CALN1: variants seen among roughly 807,000 people sequenced by gnomAD.
CALN1 encodes the protein calcium-binding protein 8.
CALN1 carries 17 observed loss-of-function variants against 30.6 expected under a neutral mutation model. The observed-to-expected ratio is 0.56, with a 90% CI of 0.38 to 0.83. The LOEUF (loss-of-function observed/expected upper bound fraction) is 0.83, where lower values mean the gene tolerates loss of function less well. Among genes scored for constraint, CALN1 ranks in the 40% least tolerant of loss-of-function variants. The probability of loss-of-function intolerance (pLI) is 0.00; values close to 1 mark genes in which losing one functional copy is unlikely to be tolerated. For synonymous variants in CALN1, 156 were observed against 131.4 expected (o/e 1.19, Z -1.28); for missense variants, 291 against 354.9 (o/e 0.82, Z 1.45).
intron 5 of CALN1, among the ~76,000 whole-genome samples, chr7:71,979,690 T>C (rs773217786): frequency 3.3e-5 from 5 of 151,968 alleles, no homozygotes; most frequent in Admixed American, 6.6e-5. Context: ...CCCTGCTCTA[T>C]GGGAACTGGG....
chr7:71,990,413 G>A (rs888146693), intron 5 of CALN1, among the ~76,000 whole-genome samples: 2 of 151,524 alleles, frequency 1.3e-5, no homozygotes, highest in African/African-American at 2.4e-5. Context: ...ATACTCAATC[G>A]AGCAGCCCAT....
intron 2 of CALN1, among the ~76,000 whole-genome samples, chr7:72,390,408 G>A (rs992619198): frequency 2.0e-5 from 3 of 152,158 alleles, no homozygotes; most frequent in Non-Finnish European, 4.4e-5. Context: ...TCTAGCCTGG[G>A]TGACAGTGCA....
At chr7:72,466,383 C>T in the CALN1 span, among the ~76,000 whole-genome samples, 149 of 152,264 alleles carry the variant, frequency 9.8e-4, no homozygotes, top group African/African-American at 3.4e-3. Context: ...GAAAGACCCC[C>T]AGCCACAGTC....
chr7:72,257,058 C>A (rs999899021), intron 3 of CALN1, among the ~76,000 whole-genome samples: 2 of 152,162 alleles, frequency 1.3e-5, no homozygotes, highest in African/African-American at 4.8e-5. Context: ...TTCCATATGG[C>A]TGGGGAGGCC....
intron 2 of CALN1, among the ~76,000 whole-genome samples, chr7:72,375,164 G>A (rs996009460): frequency 1.3e-5 from 2 of 152,124 alleles, no homozygotes; most frequent in Admixed American, 6.5e-5. Flanking sequence ...AGTTTGTCTA[G>A]GGCAAAAGTC....
rs539950520 is a variant in CALN1 at position 72,068,949 on chromosome 7, T to C, written c.388+37202A>G. Among the ~76,000 whole-genome samples, 12 of 152,212 alleles carry C rather than the reference T, an allele frequency of 7.9e-5. No individual in the cohort carries two copies. The South Asian group carries it at 2.3e-3, about 29-fold the overall frequency. On this transcript the variant is annotated intron_variant, in intron 4 of 6. Transcript: ENST00000395275. Reference sequence around the variant, plus strand: ...TGATTATCTTATTGATTGAGGACGGTGGAAAAACTGGAGGAAATAGGTACA... The same window carrying C: ...TGATTATCTTATTGATTGAGGACGGCGGAAAAACTGGAGGAAATAGGTACA...
chr7:71,906,098 A>T (rs1038356371), intron 5 of CALN1, among the ~76,000 whole-genome samples: 2 of 152,162 alleles, frequency 1.3e-5, no homozygotes, highest in Non-Finnish European at 2.9e-5. Flanking sequence ...CTCCCTCAAT[A>T]TCTGGGGATT....
At chr7:72,119,872 T>A (rs189905246) in intron 3 of CALN1, among the ~76,000 whole-genome samples, 3 of 152,310 alleles carry the variant, frequency 2.0e-5, no homozygotes, top group Admixed American at 2.0e-4. Context: ...GGAGCTAAAA[T>A]TCAAGATGAG....
In CALN1 at chr7:71,779,951, A is replaced by C. The variant is rs1200740429; in HGVS notation, c.*7824T>G. 2 of 152,122 alleles carry C rather than the reference A, an allele frequency of 1.3e-5. No individual in the cohort carries two copies. The highest frequency in any genetic ancestry group is 4.8e-5 in the African/African-American group (2 of 41,374). 9.4% of individuals were successfully genotyped at this position (152,122 alleles called of 1,614,324 possible). A position where few individuals can be genotyped will look rare whatever the true frequency, so the allele number is the denominator to read the frequency against. On this transcript the variant is annotated 3_prime_UTR_variant, in exon 7 of 7. Transcript: ENST00000395275. ...ACCCAACATATTGGGGGCAATATAC[A>C]AAATACAGTCATTTACTACTGTGCT...
intron 3 of CALN1, among the ~76,000 whole-genome samples, chr7:72,115,484 C>CTTTTTTTTTTTTTTTTTTTTTTTT: frequency 1.2e-5 from 1 of 80,600 alleles, no homozygotes; most frequent in Non-Finnish European, 2.1e-5. Flanking sequence ...CATATACATT[C>CTTTTTTTTTTTTTTTTTTTTTTTT]TTTTTTTTTT....
At chr7:72,342,709 A>G (rs1440501380) in intron 2 of CALN1, among the ~76,000 whole-genome samples, 2 of 152,164 alleles carry the variant, frequency 1.3e-5, no homozygotes, top group Non-Finnish European at 2.9e-5. Context: ...CTACCTTACC[A>G]GTGATAATCC....
chr7:72,449,978 G>A (rs1397313371), upstream of CALN1, among the ~76,000 whole-genome samples: 2 of 152,018 alleles, frequency 1.3e-5, no homozygotes, highest in Admixed American at 1.3e-4. Context: ...GGCTGATGAG[G>A]GAGGATCCCT....
At chr7:72,249,591 C>T (rs1429514329) in intron 3 of CALN1, among the ~76,000 whole-genome samples, 1 of 152,016 alleles carries the variant, frequency 6.6e-6, no homozygotes, top group Non-Finnish European at 1.5e-5. Flanking sequence ...CACTTGAGTT[C>T]AGGAGTTTGA....
At chr7:72,384,289 A>G (rs766236053) in intron 2 of CALN1, among the ~76,000 whole-genome samples, 2 of 152,206 alleles carry the variant, frequency 1.3e-5, no homozygotes, top group Non-Finnish European at 2.9e-5. Context: ...ATTCTCTCCA[A>G]TATCTACTCC....
the CALN1 span, among the ~76,000 whole-genome samples, chr7:72,455,408 ATATAT>A: frequency 3.3e-5 from 5 of 151,716 alleles, no homozygotes; most frequent in Non-Finnish European, 5.9e-5. Flanking sequence ...ATTTATGCAC[ATATAT>A]TATATATATA....
intron 1 of CALN1, among the ~76,000 whole-genome samples, chr7:72,404,599 G>A (rs543855142): frequency 6.6e-6 from 1 of 152,238 alleles, no homozygotes; most frequent in Admixed American, 6.5e-5. Flanking sequence ...GAAACACACA[G>A]ATGAGTCTCC....
chr7:71,963,336 T>C (rs544638033), intron 5 of CALN1, among the ~76,000 whole-genome samples: 2 of 151,282 alleles, frequency 1.3e-5, no homozygotes, highest in African/African-American at 4.9e-5. Context: ...CTAATTTTTG[T>C]ATTTTTAGTA....
intron 3 of CALN1, among the ~76,000 whole-genome samples, chr7:72,244,859 G>A (rs761220646): frequency 2.4e-4 from 37 of 152,254 alleles, no homozygotes; most frequent in Admixed American, 6.5e-4. Flanking sequence ...CAACTTCAGA[G>A]AGAGAGGAAA....
chr7:72,000,411 T>C (rs562362293), intron 5 of CALN1, among the ~76,000 whole-genome samples: 13 of 151,832 alleles, frequency 8.6e-5, no homozygotes, highest in Non-Finnish European at 1.6e-4. Context: ...TTTATACTCA[T>C]AAATTCAACA....
Sources: gnomAD v4.1 joint callset for allele counts (sites outside exome capture counted in the v4.1 genomes callset) on GRCh38, gnomAD v4.1.1 for gene constraint, MANE v1.5 for transcripts, NCBI Gene and HGNC (gene_info 2026-07-23, HGNC 2026-07-21) for gene names.